Variants in THADA observed in about 807,000 individuals in gnomAD.
THADA encodes the protein THADA armadillo repeat containing.
Under a neutral mutation model 219.8 loss-of-function variants are expected in THADA, and 213 were observed. The observed-to-expected ratio is 0.97, with a 90% CI of 0.87 to 1.09. The LOEUF (loss-of-function observed/expected upper bound fraction) is 1.09, where lower values mean the gene tolerates loss of function less well. THADA is among the 50% of genes least tolerant of loss of function. The pLI is 0.00. For missense variants in THADA, 2,956 were observed against 2,311.3 expected, an observed-to-expected ratio of 1.28 and a Z score of -5.72; for synonymous variants, 1,018 against 828.9, an observed-to-expected ratio of 1.23 and a Z score of -3.92.
In THADA at chr2:43,541,173, A is replaced by G. The variant is rs775345611; in HGVS notation, c.3250T>C (p.Leu1084=). 14 of 1,589,200 alleles carry G rather than the reference A, an allele frequency of 8.8e-6. No individual in the cohort carries two copies. Among genetic ancestry groups the G allele is most frequent in the Non-Finnish European group, 1.2e-5 (14 of 1,171,580 alleles). ...ATGTGCCTTACCTGCTCCACCGTCA[A>G]TAATCCATCAGAAGATTCTGGCACA... ...QPVPESSDGL[L]TVEQVKEIGD... The change falls in exon 21 of 38, where the codon TTG becomes CTG. Residue 1084 remains leucine, a synonymous_variant. Transcript: ENST00000405975.
At chr2:43,379,434 A>T (rs140275571) in intron 29 of THADA, among the ~76,000 whole-genome samples, 1 of 152,198 alleles carries the variant, frequency 6.6e-6, no homozygotes, top group African/African-American at 2.4e-5. Context: ...AATCATAATT[A>T]ATGTAAATGG....
chr2:43,418,502 G>T (rs1677291119), intron 28 of THADA, among the ~76,000 whole-genome samples: 1 of 152,180 alleles, frequency 6.6e-6, no homozygotes, highest in Non-Finnish European at 1.5e-5. Flanking sequence ...AGAGCAAGAT[G>T]TCAGACATTG....
intron 25 of THADA, among the ~76,000 whole-genome samples, chr2:43,494,740 A>G (rs1205242815): frequency 2.6e-5 from 4 of 152,220 alleles, no homozygotes; most frequent in African/African-American, 7.2e-5. Context: ...AGTGCTTAAC[A>G]TAACATCTAC....
chr2:43,459,046 T>C (rs1683333387), intron 26 of THADA, among the ~76,000 whole-genome samples: 1 of 152,176 alleles, frequency 6.6e-6, no homozygotes, highest in African/African-American at 2.4e-5. Context: ...CAAACAGATC[T>C]CTCAGTCTTG....
chr2:43,566,403 A>T (rs1490574801), intron 15 of THADA: 1 of 693,198 alleles, frequency 1.4e-6, no homozygotes, highest in Non-Finnish European at 2.6e-6. Flanking sequence ...ATACTATCTT[A>T]AAACAGCAAC....
chr2:43,531,517 G>C (rs1693869445), intron 21 of THADA, among the ~76,000 whole-genome samples: 1 of 152,220 alleles, frequency 6.6e-6, no homozygotes, highest in East Asian at 1.9e-4. Flanking sequence ...AGTGGGCTTG[G>C]CAGTGTAGTC....
At chr2:43,417,139 C>T (rs1264931957) in intron 28 of THADA, among the ~76,000 whole-genome samples, 2 of 135,892 alleles carry the variant, frequency 1.5e-5, no homozygotes, top group South Asian at 2.5e-4. Flanking sequence ...ACACTCTAAA[C>T]TTAAATTCTT....
intron 16 of THADA, among the ~76,000 whole-genome samples, chr2:43,556,903 T>G (rs2103912863): frequency 6.6e-6 from 1 of 152,098 alleles, no homozygotes; most frequent in African/African-American, 2.4e-5. Context: ...AAAAACTTAC[T>G]CTACAAAAAC....
At chr2:43,539,210 G>C (rs950327991) in intron 21 of THADA, among the ~76,000 whole-genome samples, 1 of 152,174 alleles carries the variant, frequency 6.6e-6, no homozygotes, top group African/African-American at 2.4e-5. Context: ...CCTAAGGCTT[G>C]ACTCTTAAAC....
chr2:43,353,578 T>A (rs1314931227), intron 29 of THADA, among the ~76,000 whole-genome samples: 7 of 152,358 alleles, frequency 4.6e-5, no homozygotes, highest in East Asian at 1.9e-4. Flanking sequence ...TACTCATAAA[T>A]CTTAGATAAT....
intron 29 of THADA, among the ~76,000 whole-genome samples, chr2:43,353,822 A>ATTTTT (rs564117010): frequency 1.4e-5 from 2 of 139,082 alleles, no homozygotes; most frequent in African/African-American, 2.7e-5. Flanking sequence ...AGCTCAGCTA[A>ATTTTT]TTTTTTTTTT....
intron 26 of THADA, among the ~76,000 whole-genome samples, chr2:43,447,594 T>G (rs1205911482): frequency 6.6e-6 from 1 of 152,182 alleles, no homozygotes. Context: ...CTGCAAAAAC[T>G]GATTATAGGA....
At chr2:43,261,889 G>T (rs1195170703) in intron 36 of THADA, among the ~76,000 whole-genome samples, 3 of 152,014 alleles carry the variant, frequency 2.0e-5, no homozygotes, top group African/African-American at 7.2e-5. Context: ...CACTCGCCTC[G>T]GCCTCCCAAA....
At chr2:43,458,088 G>A (rs1013187968) in intron 26 of THADA, among the ~76,000 whole-genome samples, 6 of 152,156 alleles carry the variant, frequency 3.9e-5, no homozygotes, top group African/African-American at 1.4e-4. Context: ...AGGATAACAT[G>A]AAAATACTGC....
chr2:43,334,761 C>G (rs920326924), intron 30 of THADA, among the ~76,000 whole-genome samples: 1 of 150,980 alleles, frequency 6.6e-6, no homozygotes, highest in Non-Finnish European at 1.5e-5. Flanking sequence ...GGCGACAGAG[C>G]GAGACTCCGT....
intron 20 of THADA, among the ~76,000 whole-genome samples, chr2:43,546,014 G>A (rs983557664): frequency 6.6e-5 from 10 of 150,652 alleles, no homozygotes; most frequent in South Asian, 4.3e-4. Context: ...GGCATTTAGT[G>A]CTACAAATTT....
rs1681264216 is a variant in THADA, at chr2:43,444,499, A to G, written c.3837-14197T>C. On this transcript the variant is annotated intron_variant, in intron 26 of 37. Coordinates refer to ENST00000405975, the MANE Select transcript of THADA (RefSeq NM_022065.5). ...CCAAGGGTCTAGTTCTTGAGTTTTT[A>G]GAGCATCTGAGCTTTGGCCATTTTG... Among the ~76,000 whole-genome samples, 6 of 152,320 alleles carry G rather than the reference A, an allele frequency of 3.9e-5. No homozygotes were observed. The South Asian group carries it at 1.2e-3, about 32-fold the overall frequency.
At chr2:43,593,630 C>CA (rs1179214168) in intron 1 of THADA, among the ~76,000 whole-genome samples, 1 of 127,662 alleles carries the variant, frequency 7.8e-6, no homozygotes, top group Non-Finnish European at 1.6e-5. Flanking sequence ...CTACTACAGA[C>CA]TTTTTTTTTT....
At chr2:43,421,225 C>G (rs993446859) in intron 28 of THADA, among the ~76,000 whole-genome samples, 40 of 152,314 alleles carry the variant, frequency 2.6e-4, no homozygotes, top group African/African-American at 9.4e-4. Flanking sequence ...TGGTATCAGA[C>G]AGTCACATAG....
Sources: gnomAD v4.1 joint callset for allele counts (sites outside exome capture counted in the v4.1 genomes callset) on GRCh38, gnomAD v4.1.1 for gene constraint, MANE v1.5 for transcripts, NCBI Gene and HGNC (gene_info 2026-07-23, HGNC 2026-07-21) for gene names.